The following CNTN5 variants were observed in gnomAD, a reference collection of about 807,000 sequenced individuals.
The protein encoded by CNTN5 is contactin-5.
A neutral mutation model predicts 129.1 loss-of-function variants in CNTN5; 77 were observed. The observed-to-expected ratio is 0.60, with a 90% CI of 0.50 to 0.72. The LOEUF is 0.72. CNTN5 is among the 30% of genes least tolerant of loss of function. CNTN5 has a pLI of 0.00. For synonymous variants in CNTN5, 509 were observed against 465.6 expected (o/e 1.09, Z -1.20); for missense variants, 1,478 against 1,328.8 (o/e 1.11, Z -1.75).
At chr11:99,440,499 G>C (rs1200684870) in intron 2 of CNTN5, among the ~76,000 whole-genome samples, 2 of 152,086 alleles carry the variant, frequency 1.3e-5, no homozygotes, top group Non-Finnish European at 2.9e-5. Flanking sequence ...CTAATCCACT[G>C]TGCTTTCTGC....
chr11:99,523,668 A>T (rs56278976), intron 2 of CNTN5, among the ~76,000 whole-genome samples: 18,350 of 72,454 alleles, frequency 0.25, 1,452 homozygotes, highest in Admixed American at 0.29. Flanking sequence ...ACAGATCAGA[A>T]CAGAACAGAA....
At chr11:99,305,112 G>T (rs1864816240) in intron 1 of CNTN5, among the ~76,000 whole-genome samples, 1 of 152,166 alleles carries the variant, frequency 6.6e-6, no homozygotes, top group African/African-American at 2.4e-5. Flanking sequence ...ATTCCAGAAT[G>T]AGGGAAGTAC....
At chr11:99,915,185 ATAAAG>A (rs1224907487) in intron 6 of CNTN5, among the ~76,000 whole-genome samples, 2 of 152,120 alleles carry the variant, frequency 1.3e-5, no homozygotes, top group African/African-American at 4.8e-5. Context: ...ACCATTTGCA[ATAAAG>A]TAGTCTAAAA....
At chr11:99,258,694 G>T (rs1213014414) in intron 1 of CNTN5, among the ~76,000 whole-genome samples, 2 of 151,752 alleles carry the variant, frequency 1.3e-5, no homozygotes, top group Non-Finnish European at 2.9e-5. Flanking sequence ...CAAATTATAC[G>T]TTGTATCTAG....
At chr11:99,676,071 G>C (rs1254268184) in intron 3 of CNTN5, among the ~76,000 whole-genome samples, 1 of 152,038 alleles carries the variant, frequency 6.6e-6, no homozygotes, top group Non-Finnish European at 1.5e-5. Flanking sequence ...TTTTCGAATG[G>C]GATAATATGT....
intron 3 of CNTN5, among the ~76,000 whole-genome samples, chr11:99,734,617 C>T (rs1943640337): frequency 6.6e-6 from 1 of 152,028 alleles, no homozygotes; most frequent in Non-Finnish European, 1.5e-5. Context: ...TTCTAAAAGG[C>T]ATTGATTTTG....
intron 17 of CNTN5, among the ~76,000 whole-genome samples, chr11:100,262,912 C>G (rs1433329963): frequency 6.6e-6 from 1 of 152,108 alleles, no homozygotes; most frequent in African/African-American, 2.4e-5. Flanking sequence ...ACGTTCTACA[C>G]ATGTATCCCA....
chr11:99,980,004 T>G (rs1231997121), intron 8 of CNTN5, among the ~76,000 whole-genome samples: 1 of 152,202 alleles, frequency 6.6e-6, no homozygotes, highest in Non-Finnish European at 1.5e-5. Flanking sequence ...CAAGGGTACC[T>G]AACACATAGT....
intron 13 of CNTN5, among the ~76,000 whole-genome samples, chr11:100,173,557 T>G (rs968265494): frequency 2.0e-5 from 3 of 151,964 alleles, no homozygotes; most frequent in African/African-American, 7.2e-5. Flanking sequence ...TTCCCGTGGG[T>G]TGGATGGATG....
intron 1 of CNTN5, among the ~76,000 whole-genome samples, chr11:99,068,858 A>G (rs1322062146): frequency 6.6e-6 from 1 of 152,202 alleles, no homozygotes; most frequent in African/African-American, 2.4e-5. Flanking sequence ...GATTTCTAGA[A>G]GTTTGAAAAT....
chr11:99,965,766 A>C (rs1951077568), intron 8 of CNTN5, among the ~76,000 whole-genome samples: 2 of 152,230 alleles, frequency 1.3e-5, no homozygotes, highest in Admixed American at 1.3e-4. Flanking sequence ...GGGGTGTTAA[A>C]GTCTCCCACT....
intron 6 of CNTN5, among the ~76,000 whole-genome samples, chr11:99,876,453 C>T (rs1416640110): frequency 6.6e-6 from 1 of 152,162 alleles, no homozygotes. Context: ...CCAGGCAATG[C>T]ATGAGCCCTA....
intron 3 of CNTN5, among the ~76,000 whole-genome samples, chr11:99,779,375 T>C (rs1383607931): frequency 1.3e-5 from 2 of 152,040 alleles, no homozygotes; most frequent in Non-Finnish European, 2.9e-5. Context: ...AAAATTTGAC[T>C]CTCTTGTGAA....
chr11:99,401,989 A>C (rs1019457537), intron 2 of CNTN5, among the ~76,000 whole-genome samples: 6 of 151,958 alleles, frequency 3.9e-5, no homozygotes, highest in Non-Finnish European at 8.8e-5. Flanking sequence ...AGGTTTTTTC[A>C]CGTTTAAGAT....
intron 3 of CNTN5, among the ~76,000 whole-genome samples, chr11:99,657,767 T>C (rs1271182823): frequency 1.3e-5 from 2 of 152,216 alleles, no homozygotes; most frequent in East Asian, 3.9e-4. Context: ...ATCTGTTATG[T>C]CACATTTGAC....
chr11:99,379,431 T>C (rs903487281), intron 2 of CNTN5, among the ~76,000 whole-genome samples: 1 of 152,024 alleles, frequency 6.6e-6, no homozygotes, highest in African/African-American at 2.4e-5. Context: ...CCTTTCTCAA[T>C]TGAAATGACA....
At chr11:99,898,674 A>T (rs991372605) in intron 6 of CNTN5, among the ~76,000 whole-genome samples, 1 of 151,962 alleles carries the variant, frequency 6.6e-6, no homozygotes, top group Non-Finnish European at 1.5e-5. Flanking sequence ...CCTAGAAATT[A>T]TGTATTTTCA....
At chr11:99,072,175 G>A (rs1196997564) in intron 1 of CNTN5, among the ~76,000 whole-genome samples, 2 of 151,962 alleles carry the variant, frequency 1.3e-5, no homozygotes, top group Non-Finnish European at 2.9e-5. Flanking sequence ...GGAGTTGAGG[G>A]AACTTTTCTT....
intron 15 of CNTN5, among the ~76,000 whole-genome samples, chr11:100,220,189 A>G (rs930883780): frequency 1.3e-5 from 2 of 152,034 alleles, no homozygotes; most frequent in Middle Eastern, 3.2e-3. Flanking sequence ...AGGCAGGAGA[A>G]TGGTGCGAAC....
Sources: allele counts gnomAD v4.1 joint callset (sites outside exome capture counted in the v4.1 genomes callset), GRCh38; gene constraint gnomAD v4.1.1; transcripts MANE v1.5; gene names NCBI Gene and HGNC (gene_info 2026-07-23, HGNC 2026-07-21).